Variants in AFG2A observed in about 807,000 individuals in gnomAD.
AFG2A encodes ATPase family gene 2 protein homolog A.
chr4:123,107,520 C>T, the AFG2A span, among the ~76,000 whole-genome samples: 6 of 151,960 alleles, frequency 3.9e-5, no homozygotes, highest in Non-Finnish European at 8.8e-5. Flanking sequence ...CCAGTGAAAG[C>T]ACCCTAAGTT....
At chr4:123,122,960 CTT>C in the AFG2A span, among the ~76,000 whole-genome samples, 1 of 151,954 alleles carries the variant, frequency 6.6e-6, no homozygotes, top group Non-Finnish European at 1.5e-5. Flanking sequence ...GACCTTTTAA[CTT>C]TGTATTTTTG....
At chr4:123,000,529 G>T in the AFG2A span, among the ~76,000 whole-genome samples, 1 of 150,844 alleles carries the variant, frequency 6.6e-6, no homozygotes, top group South Asian at 2.2e-4. Context: ...GCTGAATTTT[G>T]TCAAAGGCCT....
At chr4:122,956,495 C>T in the AFG2A span, among the ~76,000 whole-genome samples, 804 of 150,836 alleles carry the variant, frequency 5.3e-3, 7 homozygotes, top group African/African-American at 0.018. Flanking sequence ...TTAATTTTAG[C>T]GTATGATACT....
chr4:123,214,119 T>A, the AFG2A span, among the ~76,000 whole-genome samples: 1 of 152,142 alleles, frequency 6.6e-6, no homozygotes, highest in Non-Finnish European at 1.5e-5. Context: ...ATGAAATAAA[T>A]TCTTTAAATA....
the AFG2A span, among the ~76,000 whole-genome samples, chr4:123,089,348 A>G: frequency 6.6e-6 from 1 of 152,192 alleles, no homozygotes; most frequent in Non-Finnish European, 1.5e-5. Context: ...TTGGGTGTGT[A>G]TCTCCTTCTA....
chr4:123,241,235 C>T, the AFG2A span, among the ~76,000 whole-genome samples: 1 of 152,218 alleles, frequency 6.6e-6, no homozygotes, highest in African/African-American at 2.4e-5. Context: ...CCTTCTGAAA[C>T]TATTCCAATC....
chr4:123,129,661 A>C, the AFG2A span, among the ~76,000 whole-genome samples: 1 of 151,898 alleles, frequency 6.6e-6, no homozygotes, highest in African/African-American at 2.4e-5. Context: ...ACTCCTTTAC[A>C]TATTTATTCT....
chr4:122,923,556 T>C, the AFG2A span, among the ~76,000 whole-genome samples: 3 of 152,234 alleles, frequency 2.0e-5, no homozygotes, highest in African/African-American at 7.2e-5. Flanking sequence ...ATTTTGAATT[T>C]TTAAGTTGCA....
At chr4:123,221,450 A>T in the AFG2A span, among the ~76,000 whole-genome samples, 1 of 151,916 alleles carries the variant, frequency 6.6e-6, no homozygotes, top group Non-Finnish European at 1.5e-5. Context: ...GGCGTGAGCC[A>T]CTGCACCTGG....
At chr4:123,286,830 A>G in the AFG2A span, among the ~76,000 whole-genome samples, 2 of 152,058 alleles carry the variant, frequency 1.3e-5, no homozygotes, top group African/African-American at 4.8e-5. Flanking sequence ...ATAGGAGAGT[A>G]GCAAAGCAGT....
the AFG2A span, among the ~76,000 whole-genome samples, chr4:123,080,871 G>A: frequency 3.2e-4 from 49 of 151,666 alleles, no homozygotes; most frequent in East Asian, 9.5e-3. Context: ...TATCCGTCCT[G>A]GATCGCTCCA....
the AFG2A span, among the ~76,000 whole-genome samples, chr4:123,087,258 T>C: frequency 6.6e-6 from 1 of 152,128 alleles, no homozygotes; most frequent in Non-Finnish European, 1.5e-5. Context: ...TCTGAGTCTT[T>C]TAGTGAGTCT....
chr4:123,117,299 G>T, the AFG2A span, among the ~76,000 whole-genome samples: 2 of 151,690 alleles, frequency 1.3e-5, no homozygotes, highest in East Asian at 1.9e-4. Context: ...ACAATAATTT[G>T]CAGTGGAAGG....
At chr4:123,212,277 G>T in the AFG2A span, among the ~76,000 whole-genome samples, 7 of 151,274 alleles carry the variant, frequency 4.6e-5, no homozygotes, top group African/African-American at 1.7e-4. Flanking sequence ...TTTTCTCATC[G>T]CCTGCATACA....
the AFG2A span, among the ~76,000 whole-genome samples, chr4:123,129,011 CAT>C: frequency 0.18 from 26,899 of 152,016 alleles, 2,772 homozygotes; most frequent in East Asian, 0.46. Context: ...TAATGCATGT[CAT>C]ATGTTGTATC....
the AFG2A span, among the ~76,000 whole-genome samples, chr4:123,052,847 A>G: frequency 6.6e-6 from 1 of 152,332 alleles, no homozygotes; most frequent in East Asian, 1.9e-4. Context: ...CAAAGCCTCT[A>G]AGGTAGGGAA....
the AFG2A span, among the ~76,000 whole-genome samples, chr4:123,053,097 G>A: frequency 6.6e-6 from 1 of 152,196 alleles, no homozygotes; most frequent in African/African-American, 2.4e-5. Flanking sequence ...TGAGGGTGGG[G>A]CTTTGTCGCC....
chr4:123,059,568 G>A, the AFG2A span, among the ~76,000 whole-genome samples: 1 of 151,726 alleles, frequency 6.6e-6, no homozygotes, highest in Non-Finnish European at 1.5e-5. Flanking sequence ...GGACATTTGG[G>A]TTGGTTCCAA....
chr4:123,079,023 T>C, the AFG2A span, among the ~76,000 whole-genome samples: 1 of 152,180 alleles, frequency 6.6e-6, no homozygotes, highest in African/African-American at 2.4e-5. Flanking sequence ...GTTATTACTG[T>C]TTTTATGAGG....
Sources: allele counts gnomAD v4.1 joint callset (sites outside exome capture counted in the v4.1 genomes callset), GRCh38; gene constraint gnomAD v4.1.1; transcripts MANE v1.5; gene names NCBI Gene and HGNC (gene_info 2026-07-23, HGNC 2026-07-21).